The following ACTL8 variants were observed in gnomAD, a reference collection of about 807,000 sequenced individuals.
ACTL8 encodes the protein actin like 8.
Under a neutral mutation model 9.3 loss-of-function variants are expected in ACTL8, and 3 were observed. The observed-to-expected ratio is 0.32, with a 90% CI of 0.15 to 0.83. The LOEUF (loss-of-function observed/expected upper bound fraction) is 0.83, where lower values mean the gene tolerates loss of function less well. Ranked by LOEUF, ACTL8 falls within the 40% of genes least tolerant of loss-of-function variation. The pLI is 0.57. For missense variants in ACTL8, 381 were observed against 492.2 expected (o/e 0.77, Z 2.14); for synonymous variants, 224 against 205.9 (o/e 1.09, Z -0.75).
At chr1:17,773,736 A>G (rs2066098777) in intron 1 of ACTL8, among the ~76,000 whole-genome samples, 2 of 152,200 alleles carry the variant, frequency 1.3e-5, no homozygotes, top group African/African-American at 4.8e-5. Flanking sequence ...AGGATAATCA[A>G]AGGGTCTCTC....
intron 1 of ACTL8, among the ~76,000 whole-genome samples, chr1:17,814,571 A>G (rs149690279): frequency 2.1e-3 from 322 of 152,256 alleles, no homozygotes; most frequent in South Asian, 4.4e-3. Context: ...ATTATGTTAC[A>G]ATCGCCTACA....
chr1:17,790,133 G>A (rs1159870488), intron 1 of ACTL8, among the ~76,000 whole-genome samples: 1 of 152,234 alleles, frequency 6.6e-6, no homozygotes, highest in African/African-American at 2.4e-5. Flanking sequence ...GCTGGACCAG[G>A]TGTACCACAA....
chr1:17,811,810 C>T (rs1483612688), intron 1 of ACTL8, among the ~76,000 whole-genome samples: 1 of 151,126 alleles, frequency 6.6e-6, no homozygotes, highest in Non-Finnish European at 1.5e-5. Context: ...TTCTTTTCTA[C>T]TGATCCATGT....
chr1:17,788,912 G>A (rs1488571125), intron 1 of ACTL8, among the ~76,000 whole-genome samples: 3 of 152,246 alleles, frequency 2.0e-5, no homozygotes, highest in Admixed American at 2.0e-4. Flanking sequence ...CTCCTGGCAT[G>A]GCTCAGGTCA....
intron 1 of ACTL8, among the ~76,000 whole-genome samples, chr1:17,811,049 A>C (rs1374300002): frequency 6.6e-6 from 1 of 152,230 alleles, no homozygotes; most frequent in Non-Finnish European, 1.5e-5. Context: ...TTAACTTTAA[A>C]AGAAACTCCT....
chr1:17,776,969 A>ATTTTT lies in ACTL8; in HGVS notation c.-25+21497_-25+21501dup, dbSNP rs765972298. Among the ~76,000 whole-genome samples, 346 of 50,544 alleles carry ATTTTT rather than the reference A, an allele frequency of 6.8e-3. 66 individuals carry two copies. Among genetic ancestry groups the ATTTTT allele is most frequent in the Non-Finnish European group, 0.01 (295 of 28,240 alleles). The allele number at this position is 50,544 out of a possible 152,430, so 33.2% of individuals were successfully genotyped here. On this transcript the variant is annotated intron_variant, in intron 1 of 2. Transcript: ENST00000375406. ...CATCCACCACCGTTCCTGGCTAATG[A>ATTTTT]TTTTTTTTTTTTTTTTTTTTTTTTT...
intron 1 of ACTL8, among the ~76,000 whole-genome samples, chr1:17,765,481 A>G (rs2066037977): frequency 6.6e-6 from 1 of 152,148 alleles, no homozygotes; most frequent in Non-Finnish European, 1.5e-5. Flanking sequence ...TGGTGTGATA[A>G]CATACCCATT....
At position 17,823,329 on chromosome 1, in the gene ACTL8, G is replaced by A; in HGVS notation, c.321G>A (p.Glu107=). Residue 107 remains glutamate (E), a synonymous_variant, in exon 2 of 3, where the codon GAG becomes GAA. Transcript: ENST00000375406. This position sits in a 1 kb window ranked among gnomAD's most constrained non-coding sequence, Gnocchi z 5.3. ...TCATCACGGAGACACCCTTGAGGGAGCCTGCGGACCGAAAGAAGATGCTGG... is the reference window on the plus strand; with the variant it reads ...TCATCACGGAGACACCCTTGAGGGAACCTGCGGACCGAAAGAAGATGCTGG... ...PVIITETPLR[E]PADRKKMLEI... is the part of the protein sequence containing the mutation. 5 of 1,613,602 alleles carry A rather than the reference G, an allele frequency of 3.1e-6. No individual in the cohort carries two copies. Among genetic ancestry groups the A allele is most frequent in the Non-Finnish European group, 4.2e-6 (5 of 1,179,794 alleles).
Position 17,826,170 on chromosome 1 carries a change from T to A in ACTL8, c.752T>A (p.Met251Lys), listed in dbSNP as rs145930628. The change falls in exon 3 of 3, where the codon ATG (methionine) becomes AAG (lysine). Residue 251 changes from methionine (M) to lysine (K), a missense_variant. By Grantham distance (95) the Met-to-Lys change is moderately conservative (BLOSUM62 -1). Coordinates refer to ENST00000375406, the MANE Select transcript of ACTL8 (RefSeq NM_030812.3). This position sits in a 1 kb window ranked among gnomAD's most constrained non-coding sequence, Gnocchi z 4.5. ...PDGSRVELTP[M>K]QRVAPEMFFS... ...GGCTCCCGCGTGGAGCTGACCCCCA[T>A]GCAGCGGGTGGCTCCTGAGATGTTC... 6.2e-7 allele frequency: 1 copy of A among 1,613,028 alleles called. No individual in the cohort carries two copies. Among genetic ancestry groups the A allele is most frequent in the Admixed American group, 1.7e-5 (1 of 60,018 alleles).
rs368306502 is a variant in ACTL8 at position 17,767,286 on chromosome 1, C to T, written c.-25+11782C>T. ...GAGTGAGGAGATGCTGGGGTTGCAT[C>T]GGATGATAGGATCCGACTTCGCTGC... On this transcript the variant is annotated intron_variant, in intron 1 of 2. Coordinates refer to ENST00000375406, the MANE Select transcript of ACTL8 (RefSeq NM_030812.3). The surrounding 1 kb of genome is among the most constrained non-coding windows in gnomAD (Gnocchi z 4.7). Among the ~76,000 whole-genome samples the T allele has an allele frequency of 5.9e-5, 9 of 151,932 alleles. No homozygotes were observed. Among genetic ancestry groups the T allele is most frequent in the South Asian group, 2.1e-4 (1 of 4,788 alleles).
chr1:17,818,832 GTTCT>G (rs775985038), intron 1 of ACTL8, among the ~76,000 whole-genome samples: 74 of 152,328 alleles, frequency 4.9e-4, no homozygotes, highest in African/African-American at 7.7e-4. Flanking sequence ...GCTTATGGAT[GTTCT>G]TTCTTAGTAG....
At chr1:17,791,270 C>T (rs1459778409) in intron 1 of ACTL8, among the ~76,000 whole-genome samples, 9 of 152,186 alleles carry the variant, frequency 5.9e-5, no homozygotes, top group African/African-American at 9.6e-5. Flanking sequence ...GCCCTGGCCA[C>T]GCCTCCCTGC....
chr1:17,815,258 T>C (rs989717096), intron 1 of ACTL8, among the ~76,000 whole-genome samples: 1 of 152,246 alleles, frequency 6.6e-6, no homozygotes, highest in African/African-American at 2.4e-5. Flanking sequence ...CGTTTCTGTT[T>C]CTCTTTCTTC....
In ACTL8 at chr1:17,769,206, C is replaced by G. The variant is rs116976089; in HGVS notation, c.-25+13702C>G. Among the ~76,000 whole-genome samples, 18 of 152,290 alleles carry G rather than the reference C, an allele frequency of 1.2e-4. No individual in the cohort carries two copies. In the East Asian group the frequency reaches 3.3e-3, roughly 28 times the overall value. ...ATCTGTCCTGTTGAGCGCCTTGATT[C>G]TTTTCCTTCAGCCTTCCCTTCCCCA... is the stretch of plus-strand genomic sequence containing the variant. On this transcript the variant is annotated intron_variant, in intron 1 of 2. Coordinates refer to ENST00000375406, the MANE Select transcript of ACTL8 (RefSeq NM_030812.3).
chr1:17,781,322 C>T (rs1237694409), intron 1 of ACTL8, among the ~76,000 whole-genome samples: 2 of 151,820 alleles, frequency 1.3e-5, no homozygotes, highest in African/African-American at 4.8e-5. Flanking sequence ...CTTGCTGCAA[C>T]CTCTGCCTTC....
chr1:17,791,447 C>T (rs929586015), intron 1 of ACTL8, among the ~76,000 whole-genome samples: 16 of 152,202 alleles, frequency 1.1e-4, no homozygotes, highest in South Asian at 4.1e-4. Context: ...GTGGAAGATC[C>T]GGGATTTGAA....
At chr1:17,793,332 A>T (rs1451109235) in intron 1 of ACTL8, among the ~76,000 whole-genome samples, 4 of 152,196 alleles carry the variant, frequency 2.6e-5, no homozygotes, top group Non-Finnish European at 5.9e-5. Context: ...CACTGTGAGC[A>T]CCTACTGTGT....
In ACTL8 at chr1:17,817,483, C is replaced by T. The variant is rs191949188; in HGVS notation, c.-24-5502C>T. Reference sequence around the variant, plus strand: ...TTTCCTCCTAATTTCTCATCCCATTCGATTCTTCCCTTCTTGAAATACTTT... The same window carrying T: ...TTTCCTCCTAATTTCTCATCCCATTTGATTCTTCCCTTCTTGAAATACTTT... On this transcript the variant is annotated intron_variant, in intron 1 of 2. Transcript: ENST00000375406. Among the ~76,000 whole-genome samples, 34 of 152,204 alleles carry T rather than the reference C, an allele frequency of 2.2e-4. No homozygotes were observed. The East Asian group carries it at 2.7e-3, about 12-fold the overall frequency.
chr1:17,795,741 C>G (rs2066272367), intron 1 of ACTL8, among the ~76,000 whole-genome samples: 2 of 152,068 alleles, frequency 1.3e-5, no homozygotes, highest in African/African-American at 4.8e-5. Flanking sequence ...GGGTACAGAC[C>G]CTCAGAAGGA....
Sources: gnomAD v4.1 joint callset for allele counts (sites outside exome capture counted in the v4.1 genomes callset) on GRCh38, gnomAD v4.1.1 for gene constraint, Gnocchi (gnomAD v3.1) non-coding constraint, MANE v1.5 for transcripts, NCBI Gene and HGNC (gene_info 2026-07-23, HGNC 2026-07-21) for gene names.